The following COL17A1 variants were observed in gnomAD, a reference collection of about 807,000 sequenced individuals.
COL17A1 encodes collagen type XVII alpha 1 chain, also known as collagen alpha-1(XVII) chain.
COL17A1 carries 181 observed loss-of-function variants against 218.4 expected under a neutral mutation model. That is an observed-to-expected ratio of 0.83 (90% CI 0.73 to 0.94). COL17A1 has a LOEUF of 0.94. Among genes scored for constraint, COL17A1 ranks in the 40% least tolerant of loss-of-function variants. COL17A1 has a pLI of 0.00. For synonymous variants in COL17A1, 721 were observed against 731.0 expected (o/e 0.99, Z 0.22); for missense variants, 1,924 against 1,945.9 (o/e 0.99, Z 0.21).
At position 104,064,574 on chromosome 10, in the gene COL17A1, C is replaced by T. The variant is rs149012179; in HGVS notation, c.630G>A (p.Thr210=). Residue 210 remains threonine (T), a synonymous_variant, in exon 10 of 56, where the codon ACG becomes ACA. Coordinates refer to ENST00000648076, the MANE Select transcript of COL17A1 (RefSeq NM_000494.4). The part of the protein sequence containing the change: ...SQSVSGTYDA[T]ILDANLPSHV... Reference sequence around the variant, plus strand: ...GGGAGGGAAGGTTGGCATCCAGGATCGTTGCATCGTAGGTGCCTGACACTG... The same window carrying T: ...GGGAGGGAAGGTTGGCATCCAGGATTGTTGCATCGTAGGTGCCTGACACTG... 1,890 of 1,613,724 alleles carry T rather than the reference C, an allele frequency of 1.2e-3. 19 individuals carry two copies. The African/African-American group carries it at 0.023, about 20-fold the overall frequency.
At position 104,034,715 on chromosome 10, in the gene COL17A1, C is replaced by A. The variant is rs920809509; in HGVS notation, c.3672G>T (p.Gly1224=). The A allele has an allele frequency of 1.2e-6, 2 of 1,611,458 alleles. No individual in the cohort carries two copies. The highest frequency in any genetic ancestry group is 2.2e-5 in the East Asian group (1 of 44,756). The change falls in exon 51 of 56, where the codon GGG becomes GGT. Residue 1224 remains glycine, a synonymous_variant. Coordinates refer to ENST00000648076, the MANE Select transcript of COL17A1 (RefSeq NM_000494.4). ...CTGAGACACCCGGGGGCCCTCGAGGCCCTGGGGGACCAGGAGGTCCTGGAG... is the reference window on the plus strand; with the variant it reads ...CTGAGACACCCGGGGGCCCTCGAGGACCTGGGGGACCAGGAGGTCCTGGAG... ...PGPPGPPGPP[G]PRGPPGVSGA...
At chr10:104,067,843 TA>T (rs568457390) in intron 9 of COL17A1, among the ~76,000 whole-genome samples, 6 of 140,562 alleles carry the variant, frequency 4.3e-5, no homozygotes, top group Admixed American at 7.1e-5. Flanking sequence ...ACAGAGAGAT[TA>T]AAAAAAAAGA....
Position 104,048,096 on chromosome 10 carries a change from CAG to C in COL17A1, c.2234_2235del (p.Ala745GlyfsTer11), listed in dbSNP as rs748081076. On this transcript the variant is annotated frameshift_variant, in exon 30 of 56. Transcript: ENST00000648076. LOFTEE classifies it high-confidence loss of function. ...EPGAKGAMGPAGPDGHQGPRG... is the reference protein window; with the variant it reads ...EPGAKGAMGPXGPDGHQGPRG... ...CTTGGGCCTTGGTGTCCGTCTGGGC[CAG>C]CAGGACCTGGTAAAGTAGAAGCAAG... 98 of 1,614,082 alleles carry C rather than the reference CAG, an allele frequency of 6.1e-5. No individual in the cohort carries two copies. Among genetic ancestry groups the C allele is most frequent in the African/African-American group, 5.7e-4 (43 of 74,912 alleles).
chr10:104,078,716 G>T, intron 2 of COL17A1, 130 bp from the exon 3 acceptor site: 2 of 1,279,900 alleles, frequency 1.6e-6, no homozygotes, highest in Non-Finnish European at 2.2e-6. Context: ...CTATCCTTGT[G>T]CTTTAAGGTG....
At position 104,056,990 on chromosome 10, in the gene COL17A1, C is replaced by G. The variant is rs572880557; in HGVS notation, c.1450G>C (p.Gly484Arg). 6.3e-7 allele frequency: 1 copy of G among 1,579,830 alleles called. No individual in the cohort carries two copies. The highest frequency in any genetic ancestry group is 8.6e-7 in the Non-Finnish European group (1 of 1,163,468). Reference sequence around the variant, plus strand: ...TGCCACGTACCCAGAGCAATGAGGCCGAAGAGCAGCCCCAGGAGTAGCAGC... The same window carrying G: ...TGCCACGTACCCAGAGCAATGAGGCGGAAGAGCAGCCCCAGGAGTAGCAGC... ...TWLLLLGLLF[G>R]LIALAEEVRK... Residue 484 changes from glycine (G) to arginine (R), a missense_variant, in exon 17 of 56, where the codon GGC becomes CGC. Transcript: ENST00000648076.
Position 104,054,141 on chromosome 10 carries a change from GA to G in COL17A1, c.1745-24del. 5.0e-6 allele frequency: 8 copies of G among 1,600,246 alleles called. No homozygotes were observed. In the South Asian group the frequency reaches 9.0e-5, roughly 18 times the overall value. On this transcript the variant is annotated intron_variant, in intron 20 of 55. Transcript: ENST00000648076. ...CTCCTGCAGGAACAAAGGCAAAAGA[GA>G]GAGTGGTCAGCCAGAAGACTGTGCC... is the stretch of plus-strand genomic sequence containing the variant.
chr10:104,033,527 C>A, intron 52 of COL17A1, 152 bp from the exon 53 acceptor site: 1 of 943,378 alleles, frequency 1.1e-6, no homozygotes, highest in Non-Finnish European at 1.6e-6. Context: ...CCTTTGTATT[C>A]CACTGTGTGA....
At chr10:104,042,516 A>G in intron 35 of COL17A1, 61 bp from the exon 36 acceptor site, 1 of 1,546,338 alleles carries the variant, frequency 6.5e-7, no homozygotes, top group South Asian at 1.1e-5. Flanking sequence ...AGGAAGAACT[A>G]AAGGCATAAT....
Position 104,050,941 on chromosome 10 carries a change from CTAGCTTTGGAAT to C in COL17A1, c.2039-52_2039-41del, listed in dbSNP as rs764601879. On this transcript the variant is annotated intron_variant, in intron 25 of 55. Transcript: ENST00000648076. Reference sequence around the variant, plus strand: ...AAACCATGCACACAGATGAGTATCCCTAGCTTTGGAATGATGAGACATGTATGCACACACATG... The same window carrying C: ...AAACCATGCACACAGATGAGTATCCCGATGAGACATGTATGCACACACATG... The C allele has an allele frequency of 4.3e-6, 7 of 1,613,862 alleles. No individual in the cohort carries two copies. The South Asian group carries it at 7.7e-5, about 18-fold the overall frequency.
At chr10:104,034,863 G>A (rs2086259918) in intron 50 of COL17A1, 96 bp from the exon 51 acceptor site, 2 of 1,508,876 alleles carry the variant, frequency 1.3e-6, no homozygotes, top group East Asian at 2.3e-5. Context: ...CCACCTGAAA[G>A]GAGGGGATGA....
rs805714 is a variant in COL17A1, at chr10:104,036,980, A to C, written c.3277+65T>G. The C allele has an allele frequency of 1, 1,450,614 of 1,454,198 alleles. 723,584 individuals are homozygous for C. The highest frequency in any genetic ancestry group is 1 in the East Asian group (41,830 of 41,830). The allele number at this position is 1,454,198 out of a possible 1,614,324, so 90.1% of individuals were successfully genotyped here. On this transcript the variant is annotated intron_variant, in intron 47 of 55. Coordinates refer to ENST00000648076, the MANE Select transcript of COL17A1 (RefSeq NM_000494.4). ...AGGCTCAGACGAGGACAAGGTTTGC[A>C]TGACGAGTGAGGCCAGGAGAAAGCA...
intron 48 of COL17A1, 77 bp from the exon 49 acceptor site, chr10:104,035,640 AGAG>A (rs1246812924): frequency 3.1e-5 from 37 of 1,187,336 alleles, no homozygotes; most frequent in Non-Finnish European, 4.5e-5. Flanking sequence ...CGGATACAGA[AGAG>A]GTTTGGACAG....
Position 104,059,666 on chromosome 10 carries a change from A to G in COL17A1, c.1194T>C (p.Ala398=), listed in dbSNP as rs1350195827. ...LKKEKQAAYN[A]DSGLKAEANG... ...TAGCTTCGGCTTTTAGGCCTGAGTCAGCATTGTAGGCAGCTTGCTTTTCTT... is the reference window on the plus strand; with the variant it reads ...TAGCTTCGGCTTTTAGGCCTGAGTCGGCATTGTAGGCAGCTTGCTTTTCTT... Residue 398 remains alanine, a synonymous_variant, in exon 15 of 56, where the codon GCT becomes GCC. Transcript: ENST00000648076. 1.2e-6 allele frequency: 2 copies of G among 1,614,248 alleles called. No individual in the cohort carries two copies. The highest frequency in any genetic ancestry group is 1.7e-5 in the Admixed American group (1 of 60,032).
chr10:104,043,796 A>G, intron 34 of COL17A1, 29 bp downstream of exon 34: 1 of 1,613,280 alleles, frequency 6.2e-7, no homozygotes, highest in Non-Finnish European at 8.5e-7. Flanking sequence ...AAAGACACAG[A>G]AAGGAGGGTC....
chr10:104,055,542 A>T, intron 18 of COL17A1, 141 bp from the exon 19 acceptor site: 1 of 1,408,274 alleles, frequency 7.1e-7, no homozygotes, highest in Non-Finnish European at 9.8e-7. Context: ...TCAGATTCTA[A>T]ATTTGGCTAG....
At chr10:104,058,036 G>A in intron 16 of COL17A1, 110 bp downstream of exon 16, 3 of 1,495,112 alleles carry the variant, frequency 2.0e-6, no homozygotes, top group Non-Finnish European at 2.8e-6. Context: ...TTAGAGTCTG[G>A]TGGCTTCTGT....
intron 5 of COL17A1, 116 bp from the exon 6 acceptor site, chr10:104,074,347 G>T (rs1009798978): frequency 7.0e-7 from 1 of 1,421,012 alleles, no homozygotes. Flanking sequence ...AGTGTTTCAG[G>T]GGGGAATGAG....
At chr10:104,077,283 G>T in intron 4 of COL17A1, 139 bp downstream of exon 4, 1 of 735,994 alleles carries the variant, frequency 1.4e-6, no homozygotes, top group Non-Finnish European at 2.4e-6. Context: ...GATTTGGAAT[G>T]GATGACAGGT....
intron 25 of COL17A1, 59 bp from the exon 26 acceptor site, chr10:104,050,960 A>G (rs1364947712): frequency 6.2e-7 from 1 of 1,611,378 alleles, no homozygotes; most frequent in Non-Finnish European, 8.5e-7. Flanking sequence ...GAATGATGAG[A>G]CATGTATGCA....
Sources: gnomAD v4.1 joint callset for allele counts (sites outside exome capture counted in the v4.1 genomes callset) on GRCh38, gnomAD v4.1.1 for gene constraint, MANE v1.5 for transcripts, NCBI Gene and HGNC (gene_info 2026-07-23, HGNC 2026-07-21) for gene names.